Variants in CEACAM20 observed in about 807,000 individuals in gnomAD.
CEACAM20 encodes the protein CEA cell adhesion molecule 20, also known as cell adhesion molecule CEACAM20.
In CEACAM20, 50 loss-of-function variants were observed where a neutral mutation model predicts 61.2. The ratio of observed to expected loss-of-function variants is 0.82; its 90% confidence interval spans 0.65 to 1.03. The LOEUF (loss-of-function observed/expected upper bound fraction) is 1.03, where lower values mean the gene tolerates loss of function less well. CEACAM20 is among the 50% of genes least tolerant of loss of function. CEACAM20 has a pLI of 0.00. For synonymous variants in CEACAM20, 282 were observed against 287.7 expected (o/e 0.98, Z 0.20); for missense variants, 683 against 736.4 (o/e 0.93, Z 0.84).
At position 44,516,929 on chromosome 19, in the gene CEACAM20, G is replaced by A. The variant is rs752905907; in HGVS notation, c.1309+17C>T. On this transcript the variant is annotated intron_variant, in intron 6 of 11. Transcript: ENST00000614924. ...GGCCCCTCGGGTCCTGGGAGAAGGC[G>A]ACCCTGAGAGACTCACCTACCACCT... 17 of 1,584,542 alleles carry A rather than the reference G, an allele frequency of 1.1e-5. No homozygotes were observed. The highest frequency in any genetic ancestry group is 4.6e-5 in the East Asian group (2 of 43,426).
intron 1 of CEACAM20, among the ~76,000 whole-genome samples, chr19:44,527,141 C>T (rs1425320136): frequency 6.6e-6 from 1 of 152,080 alleles, no homozygotes; most frequent in Non-Finnish European, 1.5e-5. Flanking sequence ...TCTTTGTGAG[C>T]CTCAGTTTCT....
At chr19:44,513,023 C>A in intron 7 of CEACAM20, 70 bp from the exon 8 acceptor site, 1 of 1,394,934 alleles carries the variant, frequency 7.2e-7, no homozygotes, top group African/African-American at 1.4e-5. Context: ...CTGCCCATAT[C>A]CCATGTCCAT....
chr19:44,519,174 AC>A (rs1971279501), intron 5 of CEACAM20, among the ~76,000 whole-genome samples: 2 of 152,020 alleles, frequency 1.3e-5, no homozygotes, highest in South Asian at 4.1e-4. Flanking sequence ...ACCCTTTGCA[AC>A]ATCCCCCAGA....
intron 1 of CEACAM20, among the ~76,000 whole-genome samples, chr19:44,526,425 A>G (rs1329026570): frequency 2.0e-5 from 3 of 151,992 alleles, no homozygotes; most frequent in South Asian, 4.1e-4. Flanking sequence ...GGATCACTTG[A>G]GCCTGGGAGT....
At position 44,513,290 on chromosome 19, in the gene CEACAM20, C is replaced by G. The variant is rs201465799; in HGVS notation, c.1310-1G>C. 417 of 1,606,190 alleles carry G rather than the reference C, an allele frequency of 2.6e-4. 1 individual carries two copies. The highest frequency in any genetic ancestry group is 5.5e-4 in the Admixed American group (33 of 59,936). On this transcript the variant is annotated splice_acceptor_variant, in intron 6 of 11. Coordinates refer to ENST00000614924, the MANE Select transcript of CEACAM20 (RefSeq NM_001102597.3). LOFTEE classifies it high-confidence loss of function. The stretch of plus-strand genomic sequence containing the variant: ...GAGGACAGGGAGGAGGACTGGGGAC[C>G]TGGGCAAGGAGACAGAATCAAGACC...
chr19:44,513,169 T>C lies in CEACAM20; in HGVS notation c.1427+3A>G, dbSNP rs769481439. The C allele has an allele frequency of 1.9e-6, 3 of 1,607,072 alleles. 1 individual carries two copies. The South Asian group carries it at 3.3e-5, about 18-fold the overall frequency. Reference sequence around the variant, plus strand: ...CATCCCCCTCCCTGTATCCCTGTGTTACCGTCTGGCATTTCTGATGCAGAG... The same window carrying C: ...CATCCCCCTCCCTGTATCCCTGTGTCACCGTCTGGCATTTCTGATGCAGAG... On this transcript the variant is annotated splice_donor_region_variant and intron_variant, in intron 7 of 11. Transcript: ENST00000614924.
intron 11 of CEACAM20, among the ~76,000 whole-genome samples, chr19:44,509,152 G>A (rs533680373): frequency 1.3e-3 from 191 of 152,056 alleles, no homozygotes; most frequent in Non-Finnish European, 2.0e-3. Flanking sequence ...GAAATAAAAT[G>A]GCATGATGTC....
intron 6 of CEACAM20, among the ~76,000 whole-genome samples, chr19:44,514,386 T>C (rs1463921999): frequency 6.6e-6 from 1 of 151,902 alleles, no homozygotes; most frequent in Non-Finnish European, 1.5e-5. Flanking sequence ...GGAGCTCTGC[T>C]TTGGAGGGGC....
In CEACAM20 at chr19:44,520,476, T is replaced by C. The variant is rs756748800; in HGVS notation, c.1028A>G (p.Asn343Ser). 5 of 1,611,808 alleles carry C rather than the reference T, an allele frequency of 3.1e-6. No individual in the cohort carries two copies. Among genetic ancestry groups the C allele is most frequent in the East Asian group, 2.2e-5 (1 of 44,862 alleles). The change falls in exon 5 of 12, where the codon AAC (asparagine) becomes AGC (serine). Residue 343 changes from asparagine (N) to serine (S), a missense_variant and splice_region_variant. Coordinates refer to ENST00000614924, the MANE Select transcript of CEACAM20 (RefSeq NM_001102597.3). ...GGTCCAGGCCCTGGGTGACTCACAG[T>C]TGATGGTCAGCTCAAGGGGCTCACT... ...ARSEPLELTI[N>S]YGPDQVHITR... is the part of the protein sequence containing the mutation.
chr19:44,521,087 G>A (rs985357337), intron 4 of CEACAM20, among the ~76,000 whole-genome samples: 19 of 147,744 alleles, frequency 1.3e-4, no homozygotes, highest in African/African-American at 4.4e-4. Flanking sequence ...CTTTGTATGT[G>A]AGTATATGCT....
chr19:44,525,541 C>A (rs62116892), intron 1 of CEACAM20, among the ~76,000 whole-genome samples: 7,841 of 152,236 alleles, frequency 0.052, 206 homozygotes, highest in Middle Eastern at 0.075. Context: ...CTCCCAGGTT[C>A]AAGGGATTCT....
intron 11 of CEACAM20, among the ~76,000 whole-genome samples, chr19:44,510,632 A>G (rs1010006315): frequency 4.1e-5 from 6 of 145,440 alleles, no homozygotes; most frequent in African/African-American, 1.3e-4. Flanking sequence ...GGAAGAAAGA[A>G]AGAGAAGAAA....
chr19:44,516,433 GT>G (rs1971156077), intron 6 of CEACAM20, among the ~76,000 whole-genome samples: 1 of 152,216 alleles, frequency 6.6e-6, no homozygotes, highest in Admixed American at 6.5e-5. Context: ...CATGGGGGTG[GT>G]TTCCCCCATA....
chr19:44,515,350 T>C (rs116778536), intron 6 of CEACAM20, among the ~76,000 whole-genome samples: 28 of 152,256 alleles, frequency 1.8e-4, no homozygotes, highest in African/African-American at 5.3e-4. Context: ...TCAACTGAAC[T>C]CCCTGCTGCC....
intron 1 of CEACAM20, among the ~76,000 whole-genome samples, chr19:44,527,340 T>C (rs561368190): frequency 6.6e-6 from 1 of 152,302 alleles, no homozygotes; most frequent in African/African-American, 2.4e-5. Context: ...CTGCCTCAAA[T>C]GCTATTAGAG....
chr19:44,526,828 T>G (rs910700709), intron 1 of CEACAM20, among the ~76,000 whole-genome samples: 1 of 151,768 alleles, frequency 6.6e-6, no homozygotes, highest in East Asian at 1.9e-4. Flanking sequence ...GAGCCGAGAT[T>G]GTGCCACTGC....
intron 6 of CEACAM20, among the ~76,000 whole-genome samples, chr19:44,514,336 G>A (rs1178670806): frequency 6.6e-6 from 1 of 152,194 alleles, no homozygotes; most frequent in Admixed American, 6.5e-5. Flanking sequence ...TCGAGCCACT[G>A]AGTTAAGAAC....
intron 11 of CEACAM20, among the ~76,000 whole-genome samples, chr19:44,510,588 GAAAGAAAGAAAGAAAGAAAGAAA>G (rs1970954515): frequency 4.1e-5 from 2 of 48,750 alleles, no homozygotes; most frequent in African/African-American, 2.2e-4. Flanking sequence ...AAGAAAGAAA[GAAAGAAAGAAAGAAAGAAAGAAA>G]AAGGAAGGAA....
chr19:44,507,611 C>G (rs971968344), intron 11 of CEACAM20, among the ~76,000 whole-genome samples: 1 of 152,158 alleles, frequency 6.6e-6, no homozygotes, highest in Non-Finnish European at 1.5e-5. Flanking sequence ...CCAAGAGGCC[C>G]AGGAGTAATT....
Sources: gnomAD v4.1 joint callset for allele counts (sites outside exome capture counted in the v4.1 genomes callset) on GRCh38, gnomAD v4.1.1 for gene constraint, MANE v1.5 for transcripts, NCBI Gene and HGNC (gene_info 2026-07-23, HGNC 2026-07-21) for gene names.